LOXL4: variants seen among roughly 807,000 people sequenced by gnomAD.
The protein encoded by LOXL4 is lysyl oxidase like 4, also known as lysyl oxidase homolog 4.
A neutral mutation model predicts 89.1 loss-of-function variants in LOXL4; 72 were observed. That is an observed-to-expected ratio of 0.81 (90% CI 0.67 to 0.98). LOXL4 has a LOEUF of 0.98. LOXL4 is among the 50% of genes least tolerant of loss of function. LOXL4 has a pLI of 0.00. For missense variants in LOXL4, 984 were observed against 1,017.5 expected, an observed-to-expected ratio of 0.97 and a Z score of 0.45; for synonymous variants, 355 against 392.1, an observed-to-expected ratio of 0.91 and a Z score of 1.12.
intron 3 of LOXL4, 121 bp from the exon 4 acceptor site, chr10:98,261,248 G>A (rs1003491490): frequency 1.4e-5 from 15 of 1,045,900 alleles, no homozygotes; most frequent in Admixed American, 4.3e-5. Context: ...CACCCAGCCC[G>A]GTCATTGAAC....
chr10:98,251,621 A>G lies in LOXL4; in HGVS notation c.2033T>C (p.Ile678Thr), dbSNP rs975398697. 3 of 1,614,230 alleles carry G rather than the reference A, an allele frequency of 1.9e-6. No homozygotes were observed. The highest frequency in any genetic ancestry group is 4.5e-5 in the East Asian group (2 of 44,886). The part of the protein sequence containing the change: ...VGCWDTYRHD[I>T]DCQWVDITDV... ...TGTGATATCCACCCACTGGCAATCA[A>G]TGTCATGCCGGTAGGTGTCCCAGCA... The change falls in exon 13 of 15, where the codon ATT becomes ACT. Residue 678 changes from isoleucine (I) to threonine (T), a missense_variant. Ile to Thr is a moderately conservative substitution (Grantham distance 89). Coordinates refer to ENST00000260702, the MANE Select transcript of LOXL4 (RefSeq NM_032211.7).
Position 98,248,956 on chromosome 10 carries a change from C to G in LOXL4, c.2236G>C (p.Glu746Gln), listed in dbSNP as rs1417939016. ...SYPANAELSL[E>Q]QEQRLRNNLI ...TTGTTCCTGAGACGCTGTTCCTGCT[C>G]CAGGGAGAGTTCTGCATTGGCTGGG... The change falls in exon 15 of 15, where the codon GAG becomes CAG. Residue 746 changes from glutamate to glutamine, a missense_variant. By Grantham distance (29) the Glu-to-Gln change is conservative. Transcript: ENST00000260702. 1 of 1,613,890 alleles carries G rather than the reference C, an allele frequency of 6.2e-7. No individual in the cohort carries two copies.
At chr10:98,253,208 TG>T (rs1443509977) in intron 11 of LOXL4, among the ~76,000 whole-genome samples, 1 of 152,244 alleles carries the variant, frequency 6.6e-6, no homozygotes, top group Non-Finnish European at 1.5e-5. Flanking sequence ...CCCAGGTTCC[TG>T]GGAGTCCCCA....
chr10:98,259,250 G>A (rs757389719), intron 5 of LOXL4, 22 bp from the exon 6 acceptor site: 2 of 1,603,318 alleles, frequency 1.2e-6, no homozygotes, highest in South Asian at 2.2e-5. Context: ...GGGAGACTGA[G>A]GGTGGAGGAA....
At chr10:98,253,836 A>G in intron 10 of LOXL4, 40 bp from the exon 11 acceptor site, 2 of 1,610,860 alleles carry the variant, frequency 1.2e-6, no homozygotes, top group Non-Finnish European at 1.7e-6. Flanking sequence ...CAAAGGGTGG[A>G]AAGGCAGCCA....
intron 10 of LOXL4, 32 bp from the exon 11 acceptor site, chr10:98,253,828 A>G (rs1291828546): frequency 1.2e-6 from 2 of 1,611,724 alleles, no homozygotes; most frequent in Non-Finnish European, 1.7e-6. Flanking sequence ...CAGTGACTCA[A>G]AGGGTGGAAA....
Position 98,255,719 on chromosome 10 carries a change from C to T in LOXL4, c.1449G>A (p.Gly483=), listed in dbSNP as rs750058376. ...HAYKETWFWS[G]TPRAQEVVMS... ...TCACCACCTCCTGGGCCCTTGGCGT[C>T]CCCGACCAGAACCAGGTTTCCTAAG... Residue 483 remains glycine (G), a synonymous_variant, in exon 10 of 15, where the codon GGG becomes GGA. Transcript: ENST00000260702. The T allele has an allele frequency of 6.2e-7, 1 of 1,611,544 alleles. No homozygotes were observed. The highest frequency in any genetic ancestry group is 1.1e-5 in the South Asian group (1 of 91,014).
At chr10:98,249,506 C>G (rs1023727250) in intron 14 of LOXL4, among the ~76,000 whole-genome samples, 2 of 152,232 alleles carry the variant, frequency 1.3e-5, no homozygotes, top group Admixed American at 1.3e-4. Context: ...GCAGCCCTTG[C>G]CCCTCTTCAA....
At position 98,248,712 on chromosome 10, in the gene LOXL4, C is replaced by T. The variant is rs1281430893; in HGVS notation, c.*209G>A. 9 of 555,824 alleles carry T rather than the reference C, an allele frequency of 1.6e-5. No individual in the cohort carries two copies. Among genetic ancestry groups the T allele is most frequent in the Admixed American group, 3.3e-5 (1 of 30,692 alleles). 34.4% of individuals were successfully genotyped at this position (555,824 alleles called of 1,614,324 possible). ...CCTGGAGGACATATTCCATAGGCCACAGGCCCTTAGGGGCAGGCCCAGAGC... is the reference window on the plus strand; with the variant it reads ...CCTGGAGGACATATTCCATAGGCCATAGGCCCTTAGGGGCAGGCCCAGAGC... On this transcript the variant is annotated 3_prime_UTR_variant, in exon 15 of 15. Coordinates refer to ENST00000260702, the MANE Select transcript of LOXL4 (RefSeq NM_032211.7).
intron 9 of LOXL4, 109 bp downstream of exon 9, chr10:98,256,670 AG>A: frequency 8.1e-7 from 1 of 1,236,472 alleles, no homozygotes. Context: ...AGTTTCACTC[AG>A]TAATGAATTG....
intron 2 of LOXL4, 77 bp from the exon 3 acceptor site, chr10:98,262,290 A>G (rs1858566545): frequency 6.8e-7 from 1 of 1,480,676 alleles, no homozygotes; most frequent in Non-Finnish European, 9.2e-7. Flanking sequence ...AGGACCCCAC[A>G]CTTACCAAGT....
Position 98,257,705 on chromosome 10 carries a change from T to C in LOXL4, c.1205A>G (p.His402Arg), listed in dbSNP as rs138146211. 8.1e-6 allele frequency: 13 copies of C among 1,613,960 alleles called. No individual in the cohort carries two copies. Among genetic ancestry groups the C allele is most frequent in the East Asian group, 2.2e-5 (1 of 44,888 alleles). ...ALEGSQNGCQ[H>R]ENDAAVRCNV... ...GCACCTGACAGCAGCATCATTCTCA[T>C]GTTGGCAACCATTCTGGGACCCTTC... The change falls in exon 8 of 15, where the codon CAT becomes CGT. Residue 402 changes from histidine (H) to arginine (R), a missense_variant. By Grantham distance (29) the His-to-Arg change is conservative. Coordinates refer to ENST00000260702, the MANE Select transcript of LOXL4 (RefSeq NM_032211.7).
intron 11 of LOXL4, 24 bp downstream of exon 11, chr10:98,253,529 G>A (rs1402182842): frequency 6.2e-7 from 1 of 1,614,122 alleles, no homozygotes; most frequent in Non-Finnish European, 8.5e-7. Flanking sequence ...ACCCTCTAGT[G>A]CCAATGCATG....
At chr10:98,260,786 A>T in intron 4 of LOXL4, 136 bp downstream of exon 4, 1 of 881,824 alleles carries the variant, frequency 1.1e-6, no homozygotes, top group Non-Finnish European at 1.8e-6. Context: ...CTGTGTGCAT[A>T]CTTACTTGCC....
intron 9 of LOXL4, chr10:98,256,530 C>G (rs563974749): frequency 1.8e-6 from 1 of 542,342 alleles, no homozygotes; most frequent in South Asian, 2.3e-5. Flanking sequence ...CATTCCTCCT[C>G]CACCTTGTCT....
chr10:98,260,310 C>T (rs1858500653), intron 4 of LOXL4, among the ~76,000 whole-genome samples: 1 of 152,130 alleles, frequency 6.6e-6, no homozygotes, highest in African/African-American at 2.4e-5. Context: ...AGGATGGAGG[C>T]TCAGAGGCCC....
At chr10:98,260,479 G>T (rs563108483) in intron 4 of LOXL4, among the ~76,000 whole-genome samples, 1 of 139,956 alleles carries the variant, frequency 7.1e-6, no homozygotes, top group East Asian at 2.2e-4. Context: ...GGGGCGGGGG[G>T]TGGGGGGGCG....
Position 98,253,698 on chromosome 10 carries a change from A to G in LOXL4, c.1690T>C (p.Cys564Arg), listed in dbSNP as rs754999635. The G allele has an allele frequency of 5.6e-6, 9 of 1,614,260 alleles. No individual in the cohort carries two copies. The highest frequency in any genetic ancestry group is 5.0e-5 in the Admixed American group (3 of 60,034). The change falls in exon 11 of 15, where the codon TGC becomes CGC. Residue 564 changes from cysteine (C) to arginine (R), a missense_variant. Transcript: ENST00000260702. ...SQLYCAHEEN[C>R]LSKSADHMDW... Reference sequence around the variant, plus strand: ...ATGTGATCCGCAGACTTGGAGAGGCAGTTCTCCTCGTGGGCACAATACAGC... The same window carrying G: ...ATGTGATCCGCAGACTTGGAGAGGCGGTTCTCCTCGTGGGCACAATACAGC...
rs778632063 is a variant in LOXL4, at chr10:98,252,422, G to A, written c.1882C>T (p.Leu628Phe). ...EVFTHYDLLT[L>F]NGSKVAEGHK... is the part of the protein sequence containing the mutation. ...CCCTCAGCCACCTTGGAGCCATTGA[G>A]AGTGAGGAGGTCGTAGTGGGTGAAG... Residue 628 changes from leucine to phenylalanine, a missense_variant, in exon 12 of 15, where the codon CTC (leucine) becomes TTC (phenylalanine). Coordinates refer to ENST00000260702, the MANE Select transcript of LOXL4 (RefSeq NM_032211.7). The A allele has an allele frequency of 9.3e-6, 15 of 1,614,132 alleles. No homozygotes were observed. The highest frequency in any genetic ancestry group is 1.0e-5 in the Non-Finnish European group (12 of 1,179,980).
Sources: gnomAD v4.1 joint callset for allele counts (sites outside exome capture counted in the v4.1 genomes callset) on GRCh38, gnomAD v4.1.1 for gene constraint, MANE v1.5 for transcripts, NCBI Gene and HGNC (gene_info 2026-07-23, HGNC 2026-07-21) for gene names.